Variants in GPAM observed in about 807,000 individuals in gnomAD.
GPAM encodes the protein glycerol-3-phosphate acyltransferase, mitochondrial.
In GPAM, 56 loss-of-function variants were observed where a neutral mutation model predicts 105.0. The observed-to-expected ratio is 0.53, with a 90% CI of 0.43 to 0.67. The LOEUF (loss-of-function observed/expected upper bound fraction) is 0.67, where lower values mean the gene tolerates loss of function less well. Among genes scored for constraint, GPAM ranks in the 30% least tolerant of loss-of-function variants. GPAM has a pLI of 0.00. For missense variants in GPAM, 855 were observed against 989.8 expected (o/e 0.86, Z 1.83); for synonymous variants, 368 against 354.4 (o/e 1.04, Z -0.43).
intron 17 of GPAM, among the ~76,000 whole-genome samples, chr10:112,159,216 C>CTTTTTTTTTTT: frequency 1.1e-5 from 1 of 86,986 alleles, no homozygotes; most frequent in South Asian, 4.5e-4. Flanking sequence ...AGATGATTTT[C>CTTTTTTTTTTT]TTTTTTTTTT....
intron 1 of GPAM, among the ~76,000 whole-genome samples, chr10:112,204,076 G>A (rs947828933): frequency 3.3e-5 from 5 of 152,082 alleles, no homozygotes; most frequent in Admixed American, 3.3e-4. Flanking sequence ...TCCAAAGCAT[G>A]GTGTCTTGAG....
chr10:112,184,713 C>A (rs1408577203), upstream of GPAM, among the ~76,000 whole-genome samples: 2 of 152,112 alleles, frequency 1.3e-5, no homozygotes, highest in East Asian at 3.8e-4. Context: ...CTAGAGGGAG[C>A]AGCCAAAAAG....
Position 112,190,184 on chromosome 10 carries a change from AAGAG to A in GPAM, n.211-7297_211-7294del, listed in dbSNP as rs533315985. ...CTCAAACATTCTAAAAAAATAATAA[AAGAG>A]AGAGAAAATATCCAGAAATAGTCCC... On this transcript the variant is annotated intron_variant and non_coding_transcript_variant, in intron 1 of 3. Coordinates refer to the GPAM transcript ENST00000480130. 1.6e-4 allele frequency among the ~76,000 whole-genome samples: 25 copies of A among 152,306 alleles called. No individual in the cohort carries two copies. The South Asian group carries it at 4.6e-3, about 28-fold the overall frequency.
chr10:112,173,827 T>G lies in GPAM; in HGVS notation c.432A>C (p.Ala144=), dbSNP rs577427690. Residue 144 remains alanine (A), a synonymous_variant, in exon 7 of 22, where the codon GCA becomes GCC. Coordinates refer to ENST00000348367, the MANE Select transcript of GPAM (RefSeq NM_001244949.2). ...CAGGGTTTAATTCAGCAGCCACTTC[T>G]GCAATTGCCTCTTGTACTCTGGTAT... ...LNSSRVQEAI[A]EVAAELNPDG... is the part of the protein sequence containing the mutation. 1 of 1,612,520 alleles carries G rather than the reference T, an allele frequency of 6.2e-7. No homozygotes were observed. Among genetic ancestry groups the G allele is most frequent in the African/African-American group, 1.3e-5 (1 of 74,998 alleles).
chr10:112,174,067 G>A (rs1050565755), intron 6 of GPAM, among the ~76,000 whole-genome samples: 8 of 152,052 alleles, frequency 5.3e-5, no homozygotes, highest in Non-Finnish European at 1.0e-4. Flanking sequence ...GAGGAATCTG[G>A]AAAGCAGACT....
upstream of GPAM, among the ~76,000 whole-genome samples, chr10:112,219,293 T>A (rs372955509): frequency 1.2e-4 from 19 of 152,150 alleles, no homozygotes; most frequent in African/African-American, 4.3e-4. Flanking sequence ...GCAGGCCAAG[T>A]GCACACAGGT....
intron 14 of GPAM, among the ~76,000 whole-genome samples, chr10:112,163,106 A>C (rs535146541): frequency 6.6e-6 from 1 of 152,342 alleles, no homozygotes; most frequent in Admixed American, 6.5e-5. Flanking sequence ...AGCAGCCTCC[A>C]CAACAGTACA....
intron 16 of GPAM, 61 bp from the exon 17 acceptor site, chr10:112,160,114 T>C: frequency 4.7e-6 from 7 of 1,496,898 alleles, no homozygotes; most frequent in Non-Finnish European, 6.5e-6. Flanking sequence ...AAACTTCAAC[T>C]GGCTTGAATA....
At chr10:112,185,631 G>C (rs2133276077), upstream of GPAM, among the ~76,000 whole-genome samples, 1 of 145,318 alleles carries the variant, frequency 6.9e-6, no homozygotes, top group South Asian at 2.2e-4. Flanking sequence ...TAATAGGTTA[G>C]ACATTACTAA....
intron 16 of GPAM, 152 bp from the exon 17 acceptor site, chr10:112,160,205 T>G: frequency 1.1e-6 from 1 of 893,680 alleles, no homozygotes; most frequent in East Asian, 2.6e-5. Flanking sequence ...ACTAAATTCT[T>G]ATGATTCCAT....
chr10:112,156,893 AAG>A (rs1388251969), intron 19 of GPAM: 6 of 416,886 alleles, frequency 1.4e-5, no homozygotes, highest in Non-Finnish European at 2.6e-5. Flanking sequence ...GAGGGACAGC[AAG>A]AGTGACTCAA....
At position 112,177,989 on chromosome 10, in the gene GPAM, G is replaced by A; in HGVS notation, c.294C>T (p.His98=). 1 of 1,558,272 alleles carries A rather than the reference G, an allele frequency of 6.4e-7. No homozygotes were observed. The highest frequency in any genetic ancestry group is 8.9e-7 in the Non-Finnish European group (1 of 1,129,782). ...LRNVIYINET[H]TRHRGWLARR... is the part of the protein sequence containing the mutation. ...CATAAGAAATTTCTTTTTACCTTGT[G>A]TGAGTTTCATTGATATAAATAACAT... The change falls in exon 5 of 22, where the codon CAC becomes CAT. Residue 98 remains histidine (H), a synonymous_variant. Coordinates refer to ENST00000348367, the MANE Select transcript of GPAM (RefSeq NM_001244949.2).
the GPAM span, among the ~76,000 whole-genome samples, chr10:112,225,971 T>G: frequency 6.6e-6 from 1 of 152,156 alleles, no homozygotes; most frequent in African/African-American, 2.4e-5. Flanking sequence ...CCACCTCCCC[T>G]GGGAGCCTCC....
the GPAM span, among the ~76,000 whole-genome samples, chr10:112,223,571 A>G: frequency 6.6e-6 from 1 of 152,202 alleles, no homozygotes; most frequent in Admixed American, 6.5e-5. Context: ...ATCACTTCTT[A>G]TGTTCCCTCA....
intron 10 of GPAM, 120 bp from the exon 11 acceptor site, chr10:112,168,644 A>G (rs974342258): frequency 1.4e-5 from 11 of 759,292 alleles, no homozygotes; most frequent in African/African-American, 5.2e-5. Context: ...CTGACAAAGT[A>G]TCTTATTCAC....
rs750371327 is a variant in GPAM, at chr10:112,160,750, T to C, written c.1613A>G (p.Gln538Arg). 9.9e-6 allele frequency: 16 copies of C among 1,614,134 alleles called. No individual in the cohort carries two copies. The South Asian group carries it at 1.6e-4, about 17-fold the overall frequency. ...GATTGTGACACAATTTCCCAGCAGC[T>C]GTATGGCATGCATTACTACATCTTC... ...NSEDVVMHAI[Q>R]LLGNCVTITH... Residue 538 changes from glutamine to arginine, a missense_variant, in exon 16 of 22, where the codon CAG becomes CGG. By Grantham distance (43) the Gln-to-Arg change is conservative (BLOSUM62 1). Coordinates refer to ENST00000348367, the MANE Select transcript of GPAM (RefSeq NM_001244949.2).
intron 1 of GPAM, among the ~76,000 whole-genome samples, chr10:112,214,665 G>T (rs1430681601): frequency 6.6e-6 from 1 of 152,198 alleles, no homozygotes; most frequent in African/African-American, 2.4e-5. Context: ...GACATTCTCA[G>T]CTCCTCCTCT....
chr10:112,158,588 C>G (rs1847061079), intron 17 of GPAM, among the ~76,000 whole-genome samples, 195 bp from the exon 18 acceptor site: 1 of 152,132 alleles, frequency 6.6e-6, no homozygotes, highest in African/African-American at 2.4e-5. Context: ...AAGAAAAGAC[C>G]TCTGTCACTT....
At position 112,172,168 on chromosome 10, in the gene GPAM, T is replaced by C. The variant is rs1224261025; in HGVS notation, c.794+14A>G. ...CTTTTTAATTCCTTAAATTCCAAAA[T>C]AAGCTCATCTTACCTGAAGATTGGG... On this transcript the variant is annotated intron_variant, in intron 9 of 21. Coordinates refer to ENST00000348367, the MANE Select transcript of GPAM (RefSeq NM_001244949.2). 1 of 1,586,252 alleles carries C rather than the reference T, an allele frequency of 6.3e-7. No individual in the cohort carries two copies. The highest frequency in any genetic ancestry group is 1.7e-5 in the Admixed American group (1 of 59,952).
Sources: gnomAD v4.1 joint callset for allele counts (sites outside exome capture counted in the v4.1 genomes callset) on GRCh38, gnomAD v4.1.1 for gene constraint, MANE v1.5 for transcripts, NCBI Gene and HGNC (gene_info 2026-07-23, HGNC 2026-07-21) for gene names.